ZNF605: variants seen among roughly 807,000 people sequenced by gnomAD.
The protein encoded by ZNF605 is zinc finger protein 605.
ZNF605 carries 9 observed loss-of-function variants against 7.9 expected under a neutral mutation model. That is an observed-to-expected ratio of 1.14 (90% CI 0.68 to 1.98). ZNF605 has a LOEUF of 1.98. Ranked by LOEUF, ZNF605 falls within the 30% of genes most tolerant of loss-of-function variation. The probability of loss-of-function intolerance (pLI) is 0.00; values close to 1 mark genes in which losing one functional copy is unlikely to be tolerated. For synonymous variants in ZNF605, 255 were observed against 260.1 expected, an observed-to-expected ratio of 0.98 and a Z score of 0.19; for missense variants, 673 against 762.4, an observed-to-expected ratio of 0.88 and a Z score of 1.38.
In ZNF605 at chr12:132,926,908, T is replaced by C; in HGVS notation, c.391A>G (p.Ile131Val). 6.2e-7 allele frequency: 1 copy of C among 1,613,560 alleles called. No homozygotes were observed. The highest frequency in any genetic ancestry group is 1.1e-5 in the South Asian group (1 of 90,850). The change falls in exon 5 of 5, where the codon ATC becomes GTC. Residue 131 changes from isoleucine (I) to valine (V), a missense_variant. Coordinates refer to ENST00000360187, the MANE Select transcript of ZNF605 (RefSeq NM_183238.4). ...DELNKKLLFCIKPGRTHGGIK... is the reference protein window; with the variant it reads ...DELNKKLLFCVKPGRTHGGIK... ...CCACCATGGGTTCTGCCAGGTTTGA[T>C]ACAGAACAATAATTTCTTATTGAGT...
chr12:132,952,450 CAAAA>C (rs76640666), intron 1 of ZNF605, among the ~76,000 whole-genome samples: 64 of 88,930 alleles, frequency 7.2e-4, no homozygotes, highest in African/African-American at 9.0e-4. Context: ...GACTCTGTCT[CAAAA>C]AAAAAAAAAA....
chr12:132,934,952 G>T (rs1952348502), intron 3 of ZNF605, among the ~76,000 whole-genome samples: 1 of 152,166 alleles, frequency 6.6e-6, no homozygotes, highest in South Asian at 2.1e-4. Flanking sequence ...GGTTACAGAG[G>T]GGGATGAGGA....
At chr12:132,949,876 T>C (rs1201097463) in intron 1 of ZNF605, among the ~76,000 whole-genome samples, 2 of 152,024 alleles carry the variant, frequency 1.3e-5, no homozygotes, top group African/African-American at 4.8e-5. Context: ...GCAGCTGAAG[T>C]AGAGAGAAAG....
rs1952243697 is a variant in ZNF605 at position 132,926,070 on chromosome 12, C to T, written c.1229G>A (p.Arg410Lys). The T allele has an allele frequency of 1.2e-6, 2 of 1,614,002 alleles. No homozygotes were observed. The highest frequency in any genetic ancestry group is 1.3e-5 in the African/African-American group (1 of 74,914). Residue 410 changes from arginine to lysine, a missense_variant, in exon 5 of 5, where the codon AGA becomes AAA. Coordinates refer to ENST00000360187, the MANE Select transcript of ZNF605 (RefSeq NM_183238.4). ...EAFFKKSELIRHQKIHLGEKP... is the reference protein window; with the variant it reads ...EAFFKKSELIKHQKIHLGEKP... ...CTCTCCTAAGTGAATTTTTTGATGT[C>T]TTATTAACTCTGACTTCTTAAAGAA... is the stretch of plus-strand genomic sequence containing the variant.
At chr12:132,943,955 A>G (rs1235327192) in intron 3 of ZNF605, among the ~76,000 whole-genome samples, 1 of 152,360 alleles carries the variant, frequency 6.6e-6, no homozygotes, top group South Asian at 2.1e-4. Flanking sequence ...AAACAGGCCC[A>G]TGCCCAGGAA....
intron 3 of ZNF605, 49 bp downstream of exon 3, chr12:132,945,572 C>G: frequency 1.4e-6 from 1 of 710,548 alleles, no homozygotes; most frequent in South Asian, 1.7e-5. Context: ...CGATAACCCA[C>G]CTGTGACTGG....
intron 4 of ZNF605, chr12:132,932,721 TTC>T: frequency 6.5e-7 from 1 of 1,532,326 alleles, no homozygotes; most frequent in African/African-American, 1.4e-5. Flanking sequence ...ACCTGAAAAG[TTC>T]TGATTTAGGA....
At position 132,925,859 on chromosome 12, in the gene ZNF605, A is replaced by G; in HGVS notation, c.1440T>C (p.Ser480=). ...TCTCACTGAAGGTTTTCCTGCATTC[A>G]CTGCATTCATAGGGTTTCTCACCTG... is the stretch of plus-strand genomic sequence containing the variant. ...THTGEKPYEC[S]ECRKTFSEKS... is the part of the protein sequence containing the mutation. Residue 480 remains serine (S), a synonymous_variant, in exon 5 of 5, where the codon AGT becomes AGC. Transcript: ENST00000360187. The G allele has an allele frequency of 8.1e-6, 13 of 1,614,122 alleles. No individual in the cohort carries two copies. The highest frequency in any genetic ancestry group is 1.0e-5 in the Non-Finnish European group (12 of 1,180,000).
chr12:132,939,975 G>T (rs1411948702), intron 3 of ZNF605, among the ~76,000 whole-genome samples: 1 of 151,916 alleles, frequency 6.6e-6, no homozygotes, highest in East Asian at 1.9e-4. Context: ...CCCACCAGAA[G>T]GAAGAAACTC....
Position 132,924,385 on chromosome 12 carries a change from T to C in ZNF605, c.*988A>G, listed in dbSNP as rs1461739053. On this transcript the variant is annotated 3_prime_UTR_variant, in exon 5 of 5. Coordinates refer to ENST00000360187, the MANE Select transcript of ZNF605 (RefSeq NM_183238.4). ...CCCAGCCCTGCATGAGTTCCAGGAA[T>C]TGTTCAGCCTGCTGCTTTCCAGTGC... The C allele has an allele frequency of 6.6e-6, 1 of 152,236 alleles. No individual in the cohort carries two copies. Among genetic ancestry groups the C allele is most frequent in the Non-Finnish European group, 1.5e-5 (1 of 68,060 alleles). The allele number at this position is 152,236 out of a possible 1,614,324, so 9.4% of individuals were successfully genotyped here. A position where few individuals can be genotyped will look rare whatever the true frequency, so the allele number is the denominator to read the frequency against.
In ZNF605 at chr12:132,941,748, G is replaced by A. The variant is rs1006069484; in HGVS notation, c.15+3873C>T. ...CACGGGTACCTCCAGGCTGCCCTCC[G>A]TCACGCGTCCCTCTTCTCCGGGCTG... is the stretch of plus-strand genomic sequence containing the variant. On this transcript the variant is annotated intron_variant, in intron 3 of 4. Transcript: ENST00000360187. The surrounding 1 kb of genome is among the most constrained non-coding windows in gnomAD (Gnocchi z 5.1). Among the ~76,000 whole-genome samples the A allele has an allele frequency of 5.3e-5, 8 of 151,488 alleles. No homozygotes were observed. The highest frequency in any genetic ancestry group is 2.1e-4 in the South Asian group (1 of 4,782).
rs1952249885 is a variant in ZNF605, at chr12:132,926,568, T to C, written c.731A>G (p.Gln244Arg). 1.9e-6 allele frequency: 3 copies of C among 1,614,098 alleles called. No homozygotes were observed. Among genetic ancestry groups the C allele is most frequent in the Non-Finnish European group, 2.5e-6 (3 of 1,180,032 alleles). The change falls in exon 5 of 5, where the codon CAG becomes CGG. Residue 244 changes from glutamine to arginine, a missense_variant. Transcript: ENST00000360187. ...CGGCTTCTCTCCAGTATGAATTCTC[T>C]GATGTAAAATGAGGAGTGACTTCCT... ...FSRKSLLILH[Q>R]RIHTGEKPYG...
chr12:132,944,601 CTG>C (rs1952479643), intron 3 of ZNF605, among the ~76,000 whole-genome samples: 3 of 152,186 alleles, frequency 2.0e-5, no homozygotes, highest in African/African-American at 7.2e-5. Flanking sequence ...TTTCCTAAAA[CTG>C]GAATCTAGGT....
intron 1 of ZNF605, among the ~76,000 whole-genome samples, chr12:132,950,487 A>G (rs1029266243): frequency 7.0e-4 from 106 of 151,858 alleles, no homozygotes; most frequent in Admixed American, 4.2e-3. Flanking sequence ...GCACACACAG[A>G]CGCACACGTA....
At chr12:132,950,643 C>T (rs1399066202) in intron 1 of ZNF605, among the ~76,000 whole-genome samples, 6 of 151,470 alleles carry the variant, frequency 4.0e-5, no homozygotes, top group East Asian at 3.9e-4. Context: ...CTGAGTACAT[C>T]GCACATACAC....
intron 1 of ZNF605, among the ~76,000 whole-genome samples, chr12:132,954,490 G>T (rs1257784694): frequency 6.7e-6 from 1 of 148,256 alleles, no homozygotes; most frequent in Non-Finnish European, 1.5e-5. Context: ...CTTCTGTCCT[G>T]GGACGAACAC....
At chr12:132,927,915 A>G (rs1187336892) in intron 4 of ZNF605, among the ~76,000 whole-genome samples, 1 of 152,174 alleles carries the variant, frequency 6.6e-6, no homozygotes, top group African/African-American at 2.4e-5. Flanking sequence ...TCGGCCTCCC[A>G]AAGTGCTGGG....
At chr12:132,952,650 C>T (rs1264430091) in intron 1 of ZNF605, among the ~76,000 whole-genome samples, 5 of 151,328 alleles carry the variant, frequency 3.3e-5, no homozygotes, top group Non-Finnish European at 7.4e-5. Flanking sequence ...GTGGGGGAGC[C>T]GGAGGTCATC....
At chr12:132,951,377 C>G (rs965821907) in intron 1 of ZNF605, among the ~76,000 whole-genome samples, 1 of 148,006 alleles carries the variant, frequency 6.8e-6, no homozygotes, top group Non-Finnish European at 1.5e-5. Context: ...GTACATCACA[C>G]ATATACGTAC....
Sources: allele counts gnomAD v4.1 joint callset (sites outside exome capture counted in the v4.1 genomes callset), GRCh38; gene constraint gnomAD v4.1.1; non-coding constraint Gnocchi (gnomAD v3.1); transcripts MANE v1.5; gene names NCBI Gene and HGNC (gene_info 2026-07-23, HGNC 2026-07-21).